The following CADM2 variants were observed in gnomAD, a reference collection of about 807,000 sequenced individuals.
CADM2 encodes the protein cell adhesion molecule 2, also known as immunoglobulin superfamily member 4D.
A neutral mutation model predicts 49.8 loss-of-function variants in CADM2; 12 were observed. The ratio of observed to expected loss-of-function variants is 0.24; its 90% confidence interval spans 0.15 to 0.39. The LOEUF (loss-of-function observed/expected upper bound fraction) is 0.39, where lower values mean the gene tolerates loss of function less well. Among genes scored for constraint, CADM2 ranks in the 10% least tolerant of loss-of-function variants. The pLI is 1.00. For synonymous variants in CADM2, 214 were observed against 175.4 expected, an observed-to-expected ratio of 1.22 and a Z score of -1.74; for missense variants, 378 against 492.3, an observed-to-expected ratio of 0.77 and a Z score of 2.20.
At chr3:85,632,160 C>T (rs540425612) in intron 1 of CADM2, among the ~76,000 whole-genome samples, 12 of 151,620 alleles carry the variant, frequency 7.9e-5, no homozygotes, top group Admixed American at 3.3e-4. Context: ...TTGCTGTTCT[C>T]ATGATAGTGA....
At chr3:85,051,431 A>G (rs1323494077) in intron 1 of CADM2, among the ~76,000 whole-genome samples, 3 of 152,152 alleles carry the variant, frequency 2.0e-5, no homozygotes, top group Admixed American at 1.3e-4. Flanking sequence ...TTAGGTTGAA[A>G]CGATCACTGG....
At chr3:85,959,553 C>A (rs1724556767) in intron 7 of CADM2, among the ~76,000 whole-genome samples, 1 of 151,810 alleles carries the variant, frequency 6.6e-6, no homozygotes, top group Non-Finnish European at 1.5e-5. Flanking sequence ...TCCTATCATG[C>A]CCAAGGGACT....
intron 1 of CADM2, among the ~76,000 whole-genome samples, chr3:85,349,266 A>G (rs1445520571): frequency 6.6e-6 from 1 of 152,222 alleles, no homozygotes; most frequent in Non-Finnish European, 1.5e-5. Flanking sequence ...AAAGAGTTAA[A>G]TGAAATGGAA....
intron 3 of CADM2, among the ~76,000 whole-genome samples, chr3:85,832,714 T>G (rs2074235728): frequency 6.6e-6 from 1 of 151,942 alleles, no homozygotes; most frequent in Non-Finnish European, 1.5e-5. Context: ...TGATGGAGTC[T>G]AGAGTTTTCT....
At chr3:85,030,637 A>G (rs2034936697) in intron 1 of CADM2, among the ~76,000 whole-genome samples, 2 of 150,134 alleles carry the variant, frequency 1.3e-5, no homozygotes, top group East Asian at 2.0e-4. Context: ...AATTCCCTTG[A>G]CCCTCCATCT....
chr3:85,644,005 C>A (rs1464138382), intron 1 of CADM2, among the ~76,000 whole-genome samples: 2 of 151,962 alleles, frequency 1.3e-5, no homozygotes, highest in Non-Finnish European at 2.9e-5. Context: ...ATGCATTTAA[C>A]TATTGGATAT....
intron 8 of CADM2, among the ~76,000 whole-genome samples, chr3:86,050,905 T>C (rs1009477600): frequency 7.2e-5 from 11 of 152,202 alleles, no homozygotes; most frequent in Non-Finnish European, 1.3e-4. Context: ...CTGAAATGCC[T>C]TCAAGGCCTT....
chr3:85,909,718 G>C (rs1717305689), intron 5 of CADM2, among the ~76,000 whole-genome samples: 1 of 152,136 alleles, frequency 6.6e-6, no homozygotes, highest in Non-Finnish European at 1.5e-5. Flanking sequence ...ACATGCAAAG[G>C]AAAGGAAAGT....
intron 3 of CADM2, among the ~76,000 whole-genome samples, chr3:85,836,000 T>G (rs985680903): frequency 6.6e-6 from 1 of 151,460 alleles, no homozygotes; most frequent in African/African-American, 2.4e-5. Context: ...CCTATGACTT[T>G]CATACAGGCT....
chr3:85,758,846 G>C (rs986699438), intron 2 of CADM2, among the ~76,000 whole-genome samples: 1 of 151,902 alleles, frequency 6.6e-6, no homozygotes, highest in Admixed American at 6.6e-5. Context: ...AAGCTTGTCT[G>C]CATGTTTCTT....
rs564405797 is a variant in CADM2, at chr3:85,684,450, G to T, written c.62-42072G>T. On this transcript the variant is annotated intron_variant, in intron 1 of 9. Transcript: ENST00000383699. ...GCAAGCCGGCACACTTTGACAGAGA[G>T]AGAGAGAGAGAGAGAGGGAGAGACT... is the stretch of plus-strand genomic sequence containing the variant. 1.1e-4 allele frequency among the ~76,000 whole-genome samples: 16 copies of T among 152,204 alleles called. No individual in the cohort carries two copies. In the East Asian group the frequency reaches 2.7e-3, roughly 26 times the overall value.
At position 85,504,868 on chromosome 3, in the gene CADM2, G is replaced by A. The variant is rs970242235; in HGVS notation, c.62-221654G>A. Reference sequence around the variant, plus strand: ...GCGAGAAATAGAGCGCAGCGCCGGTGGGCCGGCACTGCTGGGGGACCCAGT... The same window carrying A: ...GCGAGAAATAGAGCGCAGCGCCGGTAGGCCGGCACTGCTGGGGGACCCAGT... On this transcript the variant is annotated intron_variant, in intron 1 of 9. Transcript: ENST00000383699. 4.5e-4 allele frequency among the ~76,000 whole-genome samples: 69 copies of A among 152,180 alleles called. 1 individual carries two copies. The highest frequency in any genetic ancestry group is 2.6e-4 in the Admixed American group (4 of 15,290).
chr3:84,965,599 G>C (rs9821807), intron 1 of CADM2, among the ~76,000 whole-genome samples: 36,139 of 152,004 alleles, frequency 0.24, 5,392 homozygotes, highest in Non-Finnish European at 0.34. Context: ...CAAACTATCG[G>C]GAACATAGGT....
intron 1 of CADM2, among the ~76,000 whole-genome samples, chr3:85,573,040 C>T (rs1576838006): frequency 6.6e-6 from 1 of 152,048 alleles, no homozygotes; most frequent in Non-Finnish European, 1.5e-5. Context: ...AGTTAATGAA[C>T]TATTTTAACA....
At chr3:85,725,159 T>C (rs975674182) in intron 1 of CADM2, among the ~76,000 whole-genome samples, 1 of 151,964 alleles carries the variant, frequency 6.6e-6, no homozygotes, top group African/African-American at 2.4e-5. Context: ...GTTAAGATGT[T>C]TTTGTCTGGT....
intron 8 of CADM2, among the ~76,000 whole-genome samples, chr3:86,061,992 G>GC (rs898645456): frequency 9.8e-6 from 1 of 102,298 alleles, no homozygotes; most frequent in African/African-American, 3.7e-5. Flanking sequence ...ATGGTGGGGG[G>GC]GGGGTTGAAT....
intron 1 of CADM2, among the ~76,000 whole-genome samples, chr3:85,514,204 C>G (rs369447529): frequency 7.2e-5 from 11 of 151,776 alleles, no homozygotes; most frequent in African/African-American, 2.7e-4. Context: ...TTTCTATGTT[C>G]GTCATTGTAT....
intron 1 of CADM2, among the ~76,000 whole-genome samples, chr3:85,506,943 G>A (rs950524799): frequency 1.3e-5 from 2 of 151,914 alleles, no homozygotes; most frequent in Admixed American, 1.3e-4. Flanking sequence ...TAACACTTAA[G>A]TTATTTACTT....
chr3:85,936,851 C>T (rs551849509), intron 7 of CADM2, among the ~76,000 whole-genome samples: 1 of 151,672 alleles, frequency 6.6e-6, no homozygotes, highest in Non-Finnish European at 1.5e-5. Flanking sequence ...CCTTATTTAC[C>T]ACAGTTTTGA....
Sources: gnomAD v4.1 joint callset for allele counts (sites outside exome capture counted in the v4.1 genomes callset) on GRCh38, gnomAD v4.1.1 for gene constraint, MANE v1.5 for transcripts, NCBI Gene and HGNC (gene_info 2026-07-23, HGNC 2026-07-21) for gene names.